The following TERT variants were observed in gnomAD, a reference collection of about 807,000 sequenced individuals.
TERT encodes telomerase catalytic subunit.
In TERT, 42 loss-of-function variants were observed where a neutral mutation model predicts 104.0. The observed-to-expected ratio is 0.40, with a 90% confidence interval of 0.32 to 0.52. The LOEUF is 0.52. TERT is among the 20% of genes least tolerant of loss of function. TERT has a pLI of 0.43. For synonymous variants in TERT, 781 were observed against 725.6 expected (o/e 1.08, Z -1.23); for missense variants, 1,101 against 1,610.3 (o/e 0.68, Z 5.41).
At chr5:1,276,426 C>CCG (rs1749595728) in intron 6 of TERT, among the ~76,000 whole-genome samples, 1 of 147,350 alleles carries the variant, frequency 6.8e-6, no homozygotes. Context: ...CCCACCTACC[C>CCG]CACGGATGAA....
At position 1,294,565 on chromosome 5, in the gene TERT, G is replaced by A. The variant is rs1751264255; in HGVS notation, c.321C>T (p.Ala107=). ...LAFGFALLDG[A]RGGPPEAFTT... ...TGAAGGCCTCGGGGGGGCCCCCGCG[G>A]GCCCCGTCCAGCAGCGCGAAGCCGA... The change falls in exon 2 of 16, where the codon GCC becomes GCT. Residue 107 remains alanine (A), a synonymous_variant. Coordinates refer to ENST00000310581, the MANE Select transcript of TERT (RefSeq NM_198253.3). The A allele has an allele frequency of 1.9e-6, 3 of 1,584,346 alleles. No homozygotes were observed. The highest frequency in any genetic ancestry group is 2.2e-5 in the South Asian group (2 of 89,116).
Position 1,257,663 on chromosome 5 carries a change from G to A in TERT, c.3032+935C>T, listed in dbSNP as rs1747846893. On this transcript the variant is annotated intron_variant, in intron 13 of 15. Transcript: ENST00000310581. This position sits in a 1 kb window ranked among gnomAD's most constrained non-coding sequence, Gnocchi z 5.6. ...GCCCTCCCTGCCAGAGCATGAAGGC[G>A]CAAGCACTCGGGTTAAAAACCATTT... 6.6e-6 allele frequency among the ~76,000 whole-genome samples: 1 copy of A among 152,188 alleles called. No individual in the cohort carries two copies. The highest frequency in any genetic ancestry group is 2.4e-5 in the African/African-American group (1 of 41,448).
rs34853903 is a variant in TERT, at chr5:1,261,688, C to T, written c.2844-1088G>A. Among the ~76,000 whole-genome samples the T allele has an allele frequency of 4.0e-3, 605 of 152,312 alleles. 3 individuals carry two copies. Among genetic ancestry groups the T allele is most frequent in the South Asian group, 0.036 (173 of 4,832 alleles). On this transcript the variant is annotated intron_variant, in intron 11 of 15. Coordinates refer to ENST00000310581, the MANE Select transcript of TERT (RefSeq NM_198253.3). This position sits in a 1 kb window ranked among gnomAD's most constrained non-coding sequence, Gnocchi z 7.4. ...TCTTTGACGCTGCTGGTAGGACCTTCCCAAGTGTGCATCAGACGTCCATTT... is the reference window on the plus strand; with the variant it reads ...TCTTTGACGCTGCTGGTAGGACCTTTCCAAGTGTGCATCAGACGTCCATTT...
Position 1,282,674 on chromosome 5 carries a change from C to T in TERT, c.1574-50G>A, listed in dbSNP as rs376137430. ...TCCAGATCACCGAGGGCCTGGTGAC[C>T]TCACCCCGGACCTGCACCATCCGGA... is the stretch of plus-strand genomic sequence containing the variant. On this transcript the variant is annotated intron_variant, in intron 2 of 15. Coordinates refer to ENST00000310581, the MANE Select transcript of TERT (RefSeq NM_198253.3). 934 of 1,595,644 alleles carry T rather than the reference C, an allele frequency of 5.9e-4. 3 individuals carry two copies. Among genetic ancestry groups the T allele is most frequent in the South Asian group, 1.9e-3 (176 of 90,442 alleles).
rs918075673 is a variant in TERT at position 1,293,993 on chromosome 5, G to A, written c.893C>T (p.Ser298Phe). 6.3e-7 allele frequency: 1 copy of A among 1,575,738 alleles called. No homozygotes were observed. Among genetic ancestry groups the A allele is most frequent in the Admixed American group, 1.8e-5 (1 of 55,488 alleles). ...GCCCGCGTGGTGCTGGCGGCCCACG[G>A]ATGGGTGGGAGTGGCGCGTGCCAGA... The part of the protein sequence containing the change: ...ALSGTRHSHP[S>F]VGRQHHAGPP... The change falls in exon 2 of 16, where the codon TCC becomes TTC. Residue 298 changes from serine to phenylalanine, a missense_variant. Ser to Phe is a radical substitution (Grantham distance 155). Transcript: ENST00000310581.
rs1170336173 is a variant in TERT, at chr5:1,285,565, A to ATTTTTTTTTTTT, written c.1574-2953_1574-2942dup. On this transcript the variant is annotated intron_variant, in intron 2 of 15. Coordinates refer to ENST00000310581, the MANE Select transcript of TERT (RefSeq NM_198253.3). ...TTACTTTTTTAATGTGGCTACTAGA[A>ATTTTTTTTTTTT]TTTTTTTTTTTTTTTTTTTTTTTGA... is the stretch of plus-strand genomic sequence containing the variant. Among the ~76,000 whole-genome samples, 41 of 82,200 alleles carry ATTTTTTTTTTTT rather than the reference A, an allele frequency of 5.0e-4. 3 individuals carry two copies. Among genetic ancestry groups the ATTTTTTTTTTTT allele is most frequent in the South Asian group, 1.0e-3 (2 of 2,010 alleles). 53.9% of individuals were successfully genotyped at this position (82,200 alleles called of 152,430 possible).
At chr5:1,289,009 C>T (rs1042809744) in intron 2 of TERT, among the ~76,000 whole-genome samples, 4 of 152,154 alleles carry the variant, frequency 2.6e-5, no homozygotes, top group East Asian at 3.8e-4. Flanking sequence ...GGGCAACCGG[C>T]GCAGCTGTGG....
chr5:1,265,599 G>A lies in TERT; in HGVS notation c.2654+865C>T, dbSNP rs1748534870. On this transcript the variant is annotated intron_variant, in intron 10 of 15. Transcript: ENST00000310581. This position sits in a 1 kb window ranked among gnomAD's most constrained non-coding sequence, Gnocchi z 6.9. ...AATGTGCACAGCCTGCTGTGCTCCG[G>A]GCTGCGGCACAAGGAACGCCAGGCA... is the stretch of plus-strand genomic sequence containing the variant. 6.6e-6 allele frequency among the ~76,000 whole-genome samples: 1 copy of A among 152,068 alleles called. No homozygotes were observed. Among genetic ancestry groups the A allele is most frequent in the African/African-American group, 2.4e-5 (1 of 41,424 alleles).
intron 6 of TERT, among the ~76,000 whole-genome samples, chr5:1,277,539 A>G (rs1201268397): frequency 6.8e-6 from 1 of 147,274 alleles, no homozygotes; most frequent in African/African-American, 2.5e-5. Context: ...GGAGAGGGAG[A>G]CCATGGAGGT....
chr5:1,293,896 G>C lies in TERT; in HGVS notation c.990C>G (p.His330Gln). 6.5e-7 allele frequency: 1 copy of C among 1,542,856 alleles called. No homozygotes were observed. Among genetic ancestry groups the C allele is most frequent in the Non-Finnish European group, 8.7e-7 (1 of 1,147,002 alleles). Residue 330 changes from histidine (H) to glutamine (Q), a missense_variant, in exon 2 of 16, where the codon CAC (histidine) becomes CAG (glutamine). Transcript: ENST00000310581. ...PCPPVYAETK[H>Q]FLYSSGDKEQ... Reference sequence around the variant, plus strand: ...CCTTGTCGCCTGAGGAGTAGAGGAAGTGCTTGGTCTCGGCGTACACCGGGG... The same window carrying C: ...CCTTGTCGCCTGAGGAGTAGAGGAACTGCTTGGTCTCGGCGTACACCGGGG...
At chr5:1,280,777 G>A (rs1749967894) in intron 3 of TERT, among the ~76,000 whole-genome samples, 1 of 152,174 alleles carries the variant, frequency 6.6e-6, no homozygotes, top group Non-Finnish European at 1.5e-5. Context: ...GAGAGGGCGG[G>A]AGAGGCTGCT....
chr5:1,272,121 G>A (rs1749083249), intron 7 of TERT, 64 bp downstream of exon 7: 3 of 1,323,980 alleles, frequency 2.3e-6, no homozygotes, highest in South Asian at 2.5e-5. Context: ...TGAGCCCAGT[G>A]ATTGCCCAGG....
At chr5:1,281,314 C>T (rs35818299) in intron 3 of TERT, among the ~76,000 whole-genome samples, 2 of 152,204 alleles carry the variant, frequency 1.3e-5, no homozygotes, top group Admixed American at 1.3e-4. Context: ...GGGTCCCCAG[C>T]CCAGAGGCTG....
rs952002418 is a variant in TERT at position 1,262,316 on chromosome 5, T to A, written c.2844-1716A>T. Among the ~76,000 whole-genome samples, 2 of 152,170 alleles carry A rather than the reference T, an allele frequency of 1.3e-5. No individual in the cohort carries two copies. The highest frequency in any genetic ancestry group is 4.8e-5 in the African/African-American group (2 of 41,436). On this transcript the variant is annotated intron_variant, in intron 11 of 15. Coordinates refer to ENST00000310581, the MANE Select transcript of TERT (RefSeq NM_198253.3). This position sits in a 1 kb window ranked among gnomAD's most constrained non-coding sequence, Gnocchi z 5.6. Reference sequence around the variant, plus strand: ...GTGCCACATACCACATTAACACACGTTTCTGAGAGATAGGGCTTCCGTTTT... The same window carrying A: ...GTGCCACATACCACATTAACACACGATTCTGAGAGATAGGGCTTCCGTTTT...
chr5:1,280,096 A>C, intron 4 of TERT, 62 bp downstream of exon 4: 1 of 1,604,644 alleles, frequency 6.2e-7, no homozygotes, highest in East Asian at 2.2e-5. Context: ...CTAAGCTGAT[A>C]CCAAATGTGG....
intron 3 of TERT, 140 bp from the exon 4 acceptor site, chr5:1,280,478 G>T: frequency 1.1e-6 from 1 of 949,118 alleles, no homozygotes; most frequent in Non-Finnish European, 1.6e-6. Context: ...CATGCCCGGG[G>T]CCACGTCCAC....
At position 1,255,480 on chromosome 5, in the gene TERT, G is replaced by A. The variant is rs1350220866; in HGVS notation, c.3033-69C>T. 10 of 1,601,660 alleles carry A rather than the reference G, an allele frequency of 6.2e-6. No individual in the cohort carries two copies. The African/African-American group carries it at 6.7e-5, about 11-fold the overall frequency. Reference sequence around the variant, plus strand: ...AGACGGTGCTCGTGGGTGTGGGCATGGGCCCACCGGTGCCTGTGTGCGTGC... The same window carrying A: ...AGACGGTGCTCGTGGGTGTGGGCATAGGCCCACCGGTGCCTGTGTGCGTGC... On this transcript the variant is annotated intron_variant, in intron 13 of 15. Coordinates refer to ENST00000310581, the MANE Select transcript of TERT (RefSeq NM_198253.3). This position sits in a 1 kb window ranked among gnomAD's most constrained non-coding sequence, Gnocchi z 6.9.
At chr5:1,278,920 C>A in intron 5 of TERT, 124 bp from the exon 6 acceptor site, 1 of 1,366,454 alleles carries the variant, frequency 7.3e-7, no homozygotes, top group Non-Finnish European at 1.0e-6. Flanking sequence ...CTCCAGACCC[C>A]AAGGGCAGGG....
chr5:1,253,951 G>A, intron 15 of TERT, 120 bp from the exon 16 acceptor site: 4 of 1,093,990 alleles, frequency 3.7e-6, no homozygotes, highest in South Asian at 1.3e-5. Flanking sequence ...TGGCTGGTGG[G>A]AACCTCAGTG....
Sources: gnomAD v4.1 joint callset for allele counts (sites outside exome capture counted in the v4.1 genomes callset) on GRCh38, gnomAD v4.1.1 for gene constraint, Gnocchi (gnomAD v3.1) non-coding constraint, MANE v1.5 for transcripts, NCBI Gene and HGNC (gene_info 2026-07-23, HGNC 2026-07-21) for gene names.